Variants in UCK2 observed in about 807,000 individuals in gnomAD.
UCK2 encodes the protein uridine-cytidine kinase 2.
UCK2 carries 6 observed loss-of-function variants against 30.8 expected under a neutral mutation model. The observed-to-expected ratio is 0.19, with a 90% CI of 0.11 to 0.38. The LOEUF (loss-of-function observed/expected upper bound fraction) is 0.38. UCK2 is among the 10% of genes least tolerant of loss of function. The pLI is 1.00. For synonymous variants in UCK2, 125 were observed against 133.6 expected (o/e 0.94, Z 0.45); for missense variants, 210 against 339.8 (o/e 0.62, Z 3.00).
rs1407206290 is a variant in UCK2 at position 165,909,203 on chromosome 1, G to C, written c.*1380G>C. The C allele has an allele frequency of 6.6e-6, 1 of 152,102 alleles. No individual in the cohort carries two copies. The highest frequency in any genetic ancestry group is 1.5e-5 in the Non-Finnish European group (1 of 68,036). 9.4% of individuals were successfully genotyped at this position (152,102 alleles called of 1,614,324 possible). On this transcript the variant is annotated 3_prime_UTR_variant, in exon 7 of 7. Transcript: ENST00000367879. Reference sequence around the variant, plus strand: ...GTTTTCTCTGGAAGTACAGATTCCTGACATTCTGGGTGGAGGGGAGCCCAA... The same window carrying C: ...GTTTTCTCTGGAAGTACAGATTCCTCACATTCTGGGTGGAGGGGAGCCCAA...
In UCK2 at chr1:165,903,296, G is replaced by A. The variant is rs568773826; in HGVS notation, c.597+17G>A. ...TGCTTGCCAGTGAGTTGTGTTCTTGGTTTGTTTTTGTTGAATGTAGAATTT... is the reference window on the plus strand; with the variant it reads ...TGCTTGCCAGTGAGTTGTGTTCTTGATTTGTTTTTGTTGAATGTAGAATTT... On this transcript the variant is annotated intron_variant, in intron 5 of 6. Transcript: ENST00000367879. 14 of 1,606,706 alleles carry A rather than the reference G, an allele frequency of 8.7e-6. No individual in the cohort carries two copies. In the Admixed American group the frequency reaches 2.2e-4, roughly 25 times the overall value.
intron 1 of UCK2, among the ~76,000 whole-genome samples, chr1:165,837,053 A>C (rs78520926): frequency 0.011 from 1,730 of 152,234 alleles, 71 homozygotes; most frequent in East Asian, 0.085. Flanking sequence ...TGTCATAACG[A>C]ATCTGCTCCC....
intron 1 of UCK2, among the ~76,000 whole-genome samples, chr1:165,887,294 A>T (rs555781653): frequency 6.6e-6 from 1 of 152,322 alleles, no homozygotes; most frequent in African/African-American, 2.4e-5. Flanking sequence ...ACAATTAGTC[A>T]TACTGTATCA....
At chr1:165,873,777 G>GT (rs1310770218) in intron 1 of UCK2, among the ~76,000 whole-genome samples, 1 of 152,100 alleles carries the variant, frequency 6.6e-6, no homozygotes, top group East Asian at 1.9e-4. Context: ...GTGCCGAGAC[G>GT]TGGGGGGTGG....
At chr1:165,829,722 G>T (rs1198035360) in intron 1 of UCK2, among the ~76,000 whole-genome samples, 1 of 152,220 alleles carries the variant, frequency 6.6e-6, no homozygotes, top group Admixed American at 6.5e-5. Context: ...TAAAGTGAGG[G>T]ATGGGATAGT....
chr1:165,882,665 T>C (rs917981925), intron 1 of UCK2, among the ~76,000 whole-genome samples: 2 of 152,176 alleles, frequency 1.3e-5, no homozygotes, highest in Admixed American at 1.3e-4. Context: ...TGTCCTCTCA[T>C]GGCAGAAGAG....
At chr1:165,894,234 G>A (rs1265759581) in intron 3 of UCK2, 1 of 152,172 alleles carries the variant, frequency 6.6e-6, no homozygotes, top group Non-Finnish European at 1.5e-5. Flanking sequence ...TAAACTTAGT[G>A]CAGCCATTGT....
intron 1 of UCK2, among the ~76,000 whole-genome samples, chr1:165,849,245 A>G (rs1654530777): frequency 2.0e-5 from 3 of 151,876 alleles, no homozygotes; most frequent in South Asian, 4.2e-4. Context: ...ATAAAGGGGG[A>G]GTTGTGGTTT....
At position 165,840,541 on chromosome 1, in the gene UCK2, C is replaced by T. The variant is rs541955080; in HGVS notation, c.99+12609C>T. 3.9e-5 allele frequency among the ~76,000 whole-genome samples: 6 copies of T among 152,290 alleles called. No individual in the cohort carries two copies. The East Asian group carries it at 7.7e-4, about 20-fold the overall frequency. On this transcript the variant is annotated intron_variant, in intron 1 of 6. Transcript: ENST00000367879. ...CGTCCAGTTCTAGCCAGCACTGCTC[C>T]CTGGCATCTGTGCCTGACAGGGTCC...
chr1:165,884,530 G>T (rs867696044), intron 1 of UCK2, among the ~76,000 whole-genome samples: 1 of 152,228 alleles, frequency 6.6e-6, no homozygotes, highest in Non-Finnish European at 1.5e-5. Context: ...AGCTGTCCAG[G>T]CTTGGGCTAT....
intron 1 of UCK2, among the ~76,000 whole-genome samples, chr1:165,877,772 T>C (rs1157055323): frequency 6.6e-6 from 1 of 152,222 alleles, no homozygotes; most frequent in African/African-American, 2.4e-5. Context: ...ATCAGTACAA[T>C]TGCCTGATCA....
chr1:165,872,781 A>G (rs1655230052), intron 1 of UCK2, among the ~76,000 whole-genome samples: 1 of 152,232 alleles, frequency 6.6e-6, no homozygotes, highest in Non-Finnish European at 1.5e-5. Context: ...GACAGCGTGT[A>G]TTAGTGTCTG....
intron 1 of UCK2, among the ~76,000 whole-genome samples, chr1:165,856,442 C>T (rs368821195): frequency 6.9e-6 from 1 of 144,270 alleles, no homozygotes; most frequent in South Asian, 2.3e-4. Flanking sequence ...TTCCTCCCCC[C>T]ACCCCCACCC....
At chr1:165,888,416 C>T (rs928391547) in intron 1 of UCK2, among the ~76,000 whole-genome samples, 58 of 152,036 alleles carry the variant, frequency 3.8e-4, no homozygotes, top group African/African-American at 1.3e-3. Flanking sequence ...CTCAGCCTCC[C>T]GAGTAGCTGG....
intron 1 of UCK2, among the ~76,000 whole-genome samples, chr1:165,845,513 T>A (rs1654426040): frequency 6.6e-6 from 1 of 152,208 alleles, no homozygotes; most frequent in Non-Finnish European, 1.5e-5. Flanking sequence ...GGTGTGACAT[T>A]ATTTTAGCTG....
intron 1 of UCK2, 107 bp downstream of exon 1, chr1:165,828,039 C>G: frequency 1.2e-6 from 1 of 805,446 alleles, no homozygotes; most frequent in Non-Finnish European, 1.6e-6. Context: ...CCGCGTGGCC[C>G]GCGCGCCTCC....
At chr1:165,851,460 T>G (rs1260098387) in intron 1 of UCK2, among the ~76,000 whole-genome samples, 1 of 151,910 alleles carries the variant, frequency 6.6e-6, no homozygotes, top group African/African-American at 2.4e-5. Flanking sequence ...GTCTGGCTAA[T>G]TTAACATTCT....
At chr1:165,905,594 G>C (rs1018931282) in intron 5 of UCK2, among the ~76,000 whole-genome samples, 1 of 152,164 alleles carries the variant, frequency 6.6e-6, no homozygotes, top group Non-Finnish European at 1.5e-5. Context: ...TTATGAACTG[G>C]TTTTGGATTA....
intron 1 of UCK2, among the ~76,000 whole-genome samples, chr1:165,865,824 A>G (rs2101867590): frequency 6.6e-6 from 1 of 152,336 alleles, no homozygotes; most frequent in African/African-American, 2.4e-5. Flanking sequence ...TTACAGAAGA[A>G]CACTCGCACA....
Sources: allele counts gnomAD v4.1 joint callset (sites outside exome capture counted in the v4.1 genomes callset), GRCh38; gene constraint gnomAD v4.1.1; transcripts MANE v1.5; gene names NCBI Gene and HGNC (gene_info 2026-07-23, HGNC 2026-07-21).